The following LIPA variants were observed in gnomAD, a reference collection of about 807,000 sequenced individuals.
LIPA encodes lysosomal acid lipase/cholesteryl ester hydrolase.
A neutral mutation model predicts 40.6 loss-of-function variants in LIPA; 26 were observed. The ratio of observed to expected loss-of-function variants is 0.64; its 90% CI spans 0.47 to 0.89. LIPA has a LOEUF of 0.89. Ranked by LOEUF, LIPA falls within the 40% of genes least tolerant of loss-of-function variation. The pLI is 0.00. For missense variants in LIPA, 455 were observed against 479.6 expected (o/e 0.95, Z 0.48); for synonymous variants, 188 against 168.4 (o/e 1.12, Z -0.90).
At chr10:89,268,846 C>T (rs989297290) in intron 1 of LIPA, among the ~76,000 whole-genome samples, 10 of 151,658 alleles carry the variant, frequency 6.6e-5, no homozygotes, top group Admixed American at 6.6e-5. Flanking sequence ...GTTAGCTGGG[C>T]GCGGTGACGG....
chr10:89,279,172 A>C (rs1843303824), intron 1 of LIPA, among the ~76,000 whole-genome samples: 1 of 152,206 alleles, frequency 6.6e-6, no homozygotes, highest in African/African-American at 2.4e-5. Flanking sequence ...ATGAGTTTCT[A>C]TGTGATGATT....
intron 5 of LIPA, 87 bp from the exon 6 acceptor site, chr10:89,225,315 T>TCA: frequency 1.7e-6 from 2 of 1,199,218 alleles, no homozygotes; most frequent in Non-Finnish European, 1.2e-6. Flanking sequence ...CGCGACGCCC[T>TCA]CTCGCGGAGG....
intron 2 of LIPA, among the ~76,000 whole-genome samples, chr10:89,356,720 T>G (rs989210540): frequency 1.3e-5 from 2 of 152,194 alleles, no homozygotes; most frequent in African/African-American, 4.8e-5. Context: ...TATATTACAA[T>G]GTAATAATAA....
At chr10:89,407,772 G>A (rs1841435537) in intron 2 of LIPA, among the ~76,000 whole-genome samples, 1 of 152,150 alleles carries the variant, frequency 6.6e-6, no homozygotes. Context: ...GGGCCGCTAA[G>A]TCCGATTTTT....
At chr10:89,374,648 A>C in intron 2 of LIPA, among the ~76,000 whole-genome samples, 1 of 152,198 alleles carries the variant, frequency 6.6e-6, no homozygotes, top group East Asian at 1.9e-4. Context: ...TTATGTTTCT[A>C]TCCCTTTTAG....
intron 5 of LIPA, among the ~76,000 whole-genome samples, chr10:89,225,843 C>A (rs1187727800): frequency 6.6e-6 from 1 of 152,024 alleles, no homozygotes; most frequent in Non-Finnish European, 1.5e-5. Context: ...GTGAGTAAGT[C>A]TCTTGAGATT....
chr10:89,275,668 A>G (rs1441605108), intron 1 of LIPA, among the ~76,000 whole-genome samples: 1 of 152,224 alleles, frequency 6.6e-6, no homozygotes, highest in Non-Finnish European at 1.5e-5. Flanking sequence ...ACTAATACAC[A>G]ATCAGAGATA....
intron 1 of LIPA, among the ~76,000 whole-genome samples, chr10:89,334,478 C>CTTTTT (rs578154457): frequency 1.3e-3 from 33 of 25,338 alleles, no homozygotes; most frequent in Admixed American, 2.3e-3. Context: ...TTCTTTTATT[C>CTTTTT]TTTTTTTTTT....
At position 89,315,429 on chromosome 10, in the gene LIPA, A is replaced by G. The variant is rs138784354; in HGVS notation, c.-2+27182T>C. Among the ~76,000 whole-genome samples, 825 of 152,260 alleles carry G rather than the reference A, an allele frequency of 5.4e-3. 3 individuals carry two copies. The highest frequency in any genetic ancestry group is 0.017 in the Middle Eastern group (5 of 294). ...GTTGGAAACACCATATGTCATGTTA[A>G]TTTTGCTACACAAGAGTCTCTGCTT... On this transcript the variant is annotated intron_variant, in intron 1 of 5. Coordinates refer to the LIPA transcript ENST00000282673.
At chr10:89,411,478 GTC>G (rs1486112320) in intron 2 of LIPA, among the ~76,000 whole-genome samples, 2 of 152,158 alleles carry the variant, frequency 1.3e-5, no homozygotes, top group Admixed American at 1.3e-4. Context: ...ACTGAACGAG[GTC>G]TTACTAATAG....
intron 1 of LIPA, chr10:89,338,874 C>T: frequency 6.2e-7 from 1 of 1,614,152 alleles, no homozygotes; most frequent in Non-Finnish European, 8.5e-7. Flanking sequence ...CCCTGGAATG[C>T]TTACGGCAAG....
chr10:89,363,810 T>C (rs12268333), intron 2 of LIPA, among the ~76,000 whole-genome samples: 4,031 of 144,326 alleles, frequency 0.028, 98 homozygotes, highest in East Asian at 0.089. Context: ...GGGGCGGGTG[T>C]GGCTAAATAT....
intron 1 of LIPA, among the ~76,000 whole-genome samples, chr10:89,319,847 C>T (rs189897208): frequency 1.6e-4 from 25 of 152,322 alleles, no homozygotes; most frequent in African/African-American, 6.0e-4. Context: ...AATCCAGCAG[C>T]ACATCAAAAA....
intron 2 of LIPA, among the ~76,000 whole-genome samples, chr10:89,354,597 T>C (rs536179265): frequency 6.6e-6 from 1 of 152,346 alleles, no homozygotes; most frequent in East Asian, 1.9e-4. Flanking sequence ...AGACAGAGGC[T>C]GACTGTGTCG....
chr10:89,389,480 A>T (rs1589630259), intron 2 of LIPA, among the ~76,000 whole-genome samples: 1 of 152,222 alleles, frequency 6.6e-6, no homozygotes, highest in Admixed American at 6.5e-5. Context: ...ATTTGTTTCT[A>T]ACAAGAAATC....
chr10:89,279,124 C>T (rs1386665394), intron 1 of LIPA, among the ~76,000 whole-genome samples: 1 of 152,112 alleles, frequency 6.6e-6, no homozygotes, highest in Non-Finnish European at 1.5e-5. Flanking sequence ...AGAATAACCC[C>T]CAAAGGGAGA....
chr10:89,246,919 C>CT (rs1164036524), intron 2 of LIPA, among the ~76,000 whole-genome samples: 6 of 152,030 alleles, frequency 3.9e-5, no homozygotes, highest in African/African-American at 1.4e-4. Context: ...AGTTTAAATA[C>CT]TTTTTTATAG....
chr10:89,306,286 C>T (rs778648084), intron 1 of LIPA: 1 of 1,614,156 alleles, frequency 6.2e-7, no homozygotes, highest in Admixed American at 1.7e-5. Flanking sequence ...TGGGCCGACT[C>T]TCAGACGTTC....
chr10:89,239,914 T>C (rs1416609227), intron 3 of LIPA, among the ~76,000 whole-genome samples: 1 of 152,134 alleles, frequency 6.6e-6, no homozygotes, highest in African/African-American at 2.4e-5. Flanking sequence ...CCATGCCAAA[T>C]TGCCTGTCTT....
Sources: gnomAD v4.1 joint callset for allele counts (sites outside exome capture counted in the v4.1 genomes callset) on GRCh38, gnomAD v4.1.1 for gene constraint, MANE v1.5 for transcripts, NCBI Gene and HGNC (gene_info 2026-07-23, HGNC 2026-07-21) for gene names.